The following NRXN3 variants were observed in gnomAD, a reference collection of about 807,000 sequenced individuals.
NRXN3 encodes the protein neurexin 3.
In NRXN3, 32 loss-of-function variants were observed where a neutral mutation model predicts 137.6. The observed-to-expected ratio is 0.23, with a 90% confidence interval of 0.18 to 0.31. NRXN3 has a LOEUF of 0.31. Ranked by LOEUF, NRXN3 falls within the 10% of genes least tolerant of loss-of-function variation. The pLI is 1.00. For missense variants in NRXN3, 1,574 were observed against 2,062.5 expected (o/e 0.76, Z 4.59); for synonymous variants, 798 against 784.5 (o/e 1.02, Z -0.29).
chr14:78,684,826 A>AT (rs1385161309), intron 6 of NRXN3, among the ~76,000 whole-genome samples: 4 of 152,076 alleles, frequency 2.6e-5, no homozygotes, highest in Non-Finnish European at 4.4e-5. Context: ...ACTCCCTCTC[A>AT]TTTTTTCCCC....
chr14:79,039,839 A>G (rs1263274773), intron 15 of NRXN3, among the ~76,000 whole-genome samples: 1 of 152,124 alleles, frequency 6.6e-6, no homozygotes, highest in Non-Finnish European at 1.5e-5. Flanking sequence ...CTATAGGTGC[A>G]TGCCACCATA....
chr14:78,571,035 T>C (rs1446690040), intron 4 of NRXN3, among the ~76,000 whole-genome samples: 5 of 152,200 alleles, frequency 3.3e-5, no homozygotes, highest in Non-Finnish European at 5.9e-5. Flanking sequence ...ACAGTCCCAG[T>C]TGGGCTTATC....
intron 18 of NRXN3, among the ~76,000 whole-genome samples, chr14:79,693,622 C>A (rs1848157201): frequency 6.6e-6 from 1 of 151,580 alleles, no homozygotes; most frequent in African/African-American, 2.4e-5. Flanking sequence ...ACTCCATTGC[C>A]TTTTAAGTCT....
chr14:78,651,453 C>T lies in NRXN3; in HGVS notation c.1221+127C>T, dbSNP rs1443016367. The T allele has an allele frequency of 2.7e-6, 3 of 1,123,964 alleles. No homozygotes were observed. The African/African-American group carries it at 4.7e-5, about 18-fold the overall frequency. The allele number at this position is 1,123,964 out of a possible 1,614,324, so 69.6% of individuals were successfully genotyped here. On this transcript the variant is annotated intron_variant, in intron 6 of 20. Coordinates refer to ENST00000335750, the MANE Select transcript of NRXN3 (RefSeq NM_001330195.2). Reference sequence around the variant, plus strand: ...GATGATAGATTGCAGCAGAAACAACCTTGAACTTGGAAGTAGGTGTCCTAC... The same window carrying T: ...GATGATAGATTGCAGCAGAAACAACTTTGAACTTGGAAGTAGGTGTCCTAC...
chr14:78,750,798 C>A (rs986982639), intron 8 of NRXN3, among the ~76,000 whole-genome samples: 2 of 152,154 alleles, frequency 1.3e-5, no homozygotes, highest in Non-Finnish European at 2.9e-5. Flanking sequence ...TATGAAGACT[C>A]AGGCTTCCTA....
intron 16 of NRXN3, among the ~76,000 whole-genome samples, chr14:79,631,094 T>C (rs927360636): frequency 6.6e-6 from 1 of 152,204 alleles, no homozygotes; most frequent in South Asian, 2.1e-4. Flanking sequence ...GACTCATTTA[T>C]TTATTTACCA....
At chr14:79,099,062 A>G (rs2050824493) in intron 15 of NRXN3, among the ~76,000 whole-genome samples, 2 of 152,214 alleles carry the variant, frequency 1.3e-5, no homozygotes, top group African/African-American at 4.8e-5. Context: ...TCCTGAGCAC[A>G]GAATTTGTTC....
At chr14:79,724,152 C>T (rs143563152) in intron 19 of NRXN3, among the ~76,000 whole-genome samples, 53 of 152,218 alleles carry the variant, frequency 3.5e-4, no homozygotes, top group African/African-American at 1.2e-3. Flanking sequence ...ACTTACTAAG[C>T]CTGCTCAGCT....
At chr14:79,566,297 C>T (rs552576046) in intron 16 of NRXN3, among the ~76,000 whole-genome samples, 38 of 152,230 alleles carry the variant, frequency 2.5e-4, no homozygotes, top group African/African-American at 8.7e-4. Context: ...TAAAGCCAAA[C>T]AGAGAAGAAA....
intron 7 of NRXN3, among the ~76,000 whole-genome samples, chr14:78,710,948 C>A (rs978561044): frequency 6.6e-6 from 1 of 152,184 alleles, no homozygotes; most frequent in African/African-American, 2.4e-5. Context: ...ATAGTGTCTA[C>A]CCTTTTACAC....
At chr14:78,280,405 C>T (rs902869533) in intron 3 of NRXN3, among the ~76,000 whole-genome samples, 4 of 152,058 alleles carry the variant, frequency 2.6e-5, no homozygotes, top group Admixed American at 6.6e-5. Context: ...GAGGAGAAGT[C>T]CCTAATTTAC....
chr14:78,891,877 C>T (rs2099160029), intron 10 of NRXN3, among the ~76,000 whole-genome samples: 1 of 151,982 alleles, frequency 6.6e-6, no homozygotes. Flanking sequence ...GGCGCACACA[C>T]ATTTAATTTG....
chr14:78,497,212 A>G lies in NRXN3; in HGVS notation c.758-147908A>G, dbSNP rs148963452. Among the ~76,000 whole-genome samples the G allele has an allele frequency of 2.3e-3, 343 of 152,318 alleles. 3 individuals carry two copies. The highest frequency in any genetic ancestry group is 8.0e-3 in the African/African-American group (331 of 41,584). On this transcript the variant is annotated intron_variant, in intron 4 of 20. Transcript: ENST00000335750. Reference sequence around the variant, plus strand: ...ATGTGGTGCCTAGGAAAAGGACAGTAGAAACGGTAATACATTTTACTCTTG... The same window carrying G: ...ATGTGGTGCCTAGGAAAAGGACAGTGGAAACGGTAATACATTTTACTCTTG...
At chr14:79,735,943 A>G (rs937655613) in intron 19 of NRXN3, among the ~76,000 whole-genome samples, 2 of 152,224 alleles carry the variant, frequency 1.3e-5, no homozygotes, top group African/African-American at 4.8e-5. Context: ...CACATATTGT[A>G]TTATAAAATA....
intron 15 of NRXN3, among the ~76,000 whole-genome samples, chr14:79,058,344 C>T (rs1568142353): frequency 6.6e-6 from 1 of 151,962 alleles, no homozygotes; most frequent in Non-Finnish European, 1.5e-5. Context: ...TTTAGAATAA[C>T]AAACCAAATT....
At chr14:79,062,036 A>G (rs1426141353) in intron 15 of NRXN3, among the ~76,000 whole-genome samples, 1 of 152,212 alleles carries the variant, frequency 6.6e-6, no homozygotes, top group African/African-American at 2.4e-5. Context: ...CTACTGAAGC[A>G]TGTTCATTTA....
chr14:78,242,609 C>T lies in NRXN3; in HGVS notation c.-485C>T, dbSNP rs1409369645. ...CTGTCACCTGGCTCACCTCACCACT[C>T]ACTCCTCCTCCATCACAGCACCCCG... On this transcript the variant is annotated 5_prime_UTR_variant, in exon 2 of 21. Transcript: ENST00000335750. 1 of 158,638 alleles carries T rather than the reference C, an allele frequency of 6.3e-6. No homozygotes were observed. The highest frequency in any genetic ancestry group is 2.4e-5 in the African/African-American group (1 of 41,552). 9.8% of individuals were successfully genotyped at this position (158,638 alleles called of 1,614,324 possible). A position where few individuals can be genotyped will look rare whatever the true frequency, so the allele number is the denominator to read the frequency against.
chr14:79,362,178 C>T lies in NRXN3; in HGVS notation c.3263-105043C>T, dbSNP rs191171348. The stretch of plus-strand genomic sequence containing the variant: ...TTTATTTTTTATTATACTTTAAGTT[C>T]TAGGGTACATGTGCACAACGTGCAG... On this transcript the variant is annotated intron_variant, in intron 15 of 20. Transcript: ENST00000335750. Among the ~76,000 whole-genome samples the T allele has an allele frequency of 1.4e-3, 213 of 150,592 alleles. 2 individuals are homozygous for T. The highest frequency in any genetic ancestry group is 4.8e-3 in the African/African-American group (196 of 41,044).
intron 4 of NRXN3, among the ~76,000 whole-genome samples, chr14:78,327,523 CCAG>C (rs1182914225): frequency 6.6e-6 from 1 of 152,182 alleles, no homozygotes; most frequent in African/African-American, 2.4e-5. Flanking sequence ...AGCTCAAACT[CCAG>C]GCTTGAACTC....
Sources: gnomAD v4.1 joint callset for allele counts (sites outside exome capture counted in the v4.1 genomes callset) on GRCh38, gnomAD v4.1.1 for gene constraint, MANE v1.5 for transcripts, NCBI Gene and HGNC (gene_info 2026-07-23, HGNC 2026-07-21) for gene names.